Variants in RHBDD1 observed in about 807,000 individuals in gnomAD.
The protein encoded by RHBDD1 is rhomboid domain containing 1, also known as rhomboid-related protein 4.
In RHBDD1, 38 loss-of-function variants were observed where a neutral mutation model predicts 36.3. That is an observed-to-expected ratio of 1.05 (90% CI 0.81 to 1.37). The LOEUF (loss-of-function observed/expected upper bound fraction) is 1.37, where lower values mean the gene tolerates loss of function less well. RHBDD1 is among the 40% of genes most tolerant of loss of function. The probability of loss-of-function intolerance (pLI) is 0.00; values close to 1 mark genes in which losing one functional copy is unlikely to be tolerated. For missense variants in RHBDD1, 393 were observed against 377.6 expected (o/e 1.04, Z -0.34); for synonymous variants, 151 against 136.5 (o/e 1.11, Z -0.74).
At chr2:226,950,732 T>C (rs1951359349) in intron 8 of RHBDD1, among the ~76,000 whole-genome samples, 1 of 152,192 alleles carries the variant, frequency 6.6e-6, no homozygotes, top group African/African-American at 2.4e-5. Context: ...TTCCCTGATA[T>C]TTAGTGAGCA....
At chr2:226,875,312 G>T (rs1406508296) in intron 5 of RHBDD1, among the ~76,000 whole-genome samples, 3 of 152,168 alleles carry the variant, frequency 2.0e-5, no homozygotes. Context: ...TCTTTCCATT[G>T]TAAGGTGGAC....
chr2:226,976,198 G>A (rs944499380), intron 8 of RHBDD1, among the ~76,000 whole-genome samples: 1 of 149,920 alleles, frequency 6.7e-6, no homozygotes, highest in Non-Finnish European at 1.5e-5. Flanking sequence ...GGGCTTCTGG[G>A]GCAGTCCAGG....
upstream of RHBDD1, among the ~76,000 whole-genome samples, chr2:226,834,445 A>G (rs16822726): frequency 0.24 from 37,104 of 152,182 alleles, 8,542 homozygotes; most frequent in African/African-American, 0.61. Context: ...TCTAGGAAAG[A>G]GGTAACTTAT....
At chr2:226,907,589 C>T (rs1948161699) in intron 6 of RHBDD1, among the ~76,000 whole-genome samples, 2 of 149,362 alleles carry the variant, frequency 1.3e-5, no homozygotes, top group Non-Finnish European at 3.0e-5. Flanking sequence ...TCTTCTGAGA[C>T]TATTTTACCT....
At chr2:226,987,080 G>C (rs1233639270) in intron 8 of RHBDD1, among the ~76,000 whole-genome samples, 1 of 152,178 alleles carries the variant, frequency 6.6e-6, no homozygotes, top group Non-Finnish European at 1.5e-5. Context: ...CACAGGAACA[G>C]AAAACCAAAC....
intron 3 of RHBDD1, among the ~76,000 whole-genome samples, chr2:226,848,257 A>G (rs1942429692): frequency 6.6e-6 from 1 of 152,204 alleles, no homozygotes; most frequent in African/African-American, 2.4e-5. Context: ...AACAGTTACA[A>G]TTGATGTAGA....
At chr2:226,891,634 A>G (rs1946695513) in intron 5 of RHBDD1, among the ~76,000 whole-genome samples, 1 of 152,138 alleles carries the variant, frequency 6.6e-6, no homozygotes, top group Non-Finnish European at 1.5e-5. Flanking sequence ...CTACATCCTA[A>G]TGCTAGCAAT....
At chr2:226,851,736 C>T (rs2125086445) in intron 3 of RHBDD1, among the ~76,000 whole-genome samples, 1 of 152,302 alleles carries the variant, frequency 6.6e-6, no homozygotes, top group Non-Finnish European at 1.5e-5. Flanking sequence ...TAAACTGACA[C>T]ATGAGCCTTT....
chr2:226,898,763 TTTA>T (rs1298420819), intron 5 of RHBDD1, among the ~76,000 whole-genome samples: 8 of 152,262 alleles, frequency 5.3e-5, no homozygotes, highest in African/African-American at 1.9e-4. Flanking sequence ...TCTGGGACCA[TTTA>T]TTAAGATCCC....
Position 226,898,442 on chromosome 2 carries a change from T to C in RHBDD1, c.567-8351T>C, listed in dbSNP as rs1039562661. Among the ~76,000 whole-genome samples the C allele has an allele frequency of 6.6e-5, 10 of 152,312 alleles. No homozygotes were observed. The East Asian group carries it at 1.4e-3, about 21-fold the overall frequency. ...TGTCTGCAGTTGGTGCCATGTTTAA[T>C]AAATCATCATGGATTGTAGAGGGTG... is the stretch of plus-strand genomic sequence containing the variant. On this transcript the variant is annotated intron_variant, in intron 5 of 8. Transcript: ENST00000392062.
rs1401205383 is a variant in RHBDD1 at position 226,996,643 on chromosome 2, AT to A, written c.*1122del. On this transcript the variant is annotated 3_prime_UTR_variant, in exon 9 of 9. Coordinates refer to ENST00000392062, the MANE Select transcript of RHBDD1 (RefSeq NM_001167608.3). ...TTTTCTGATTATGCACATAATAGATATGCCTTCCAGATGCATAAGGCAAACA... is the reference window on the plus strand; with the variant it reads ...TTTTCTGATTATGCACATAATAGATAGCCTTCCAGATGCATAAGGCAAACA... 2.6e-5 allele frequency: 4 copies of A among 152,250 alleles called. No homozygotes were observed. In the East Asian group the frequency reaches 5.8e-4, roughly 22 times the overall value. 9.4% of individuals were successfully genotyped at this position (152,250 alleles called of 1,614,324 possible). A position where few individuals can be genotyped will look rare whatever the true frequency, so the allele number is the denominator to read the frequency against.
chr2:226,963,900 C>G (rs1343926691), intron 8 of RHBDD1, among the ~76,000 whole-genome samples: 1 of 152,174 alleles, frequency 6.6e-6, no homozygotes, highest in Non-Finnish European at 1.5e-5. Context: ...ACTCACCACC[C>G]CCTACTTAAC....
intron 8 of RHBDD1, among the ~76,000 whole-genome samples, chr2:226,919,231 T>G (rs1949134632): frequency 6.6e-6 from 1 of 152,132 alleles, no homozygotes; most frequent in South Asian, 2.1e-4. Flanking sequence ...TAGCCTCTTG[T>G]CAGATGGATA....
intron 4 of RHBDD1, among the ~76,000 whole-genome samples, chr2:226,866,936 G>T (rs1360794427): frequency 6.6e-6 from 1 of 152,100 alleles, no homozygotes; most frequent in African/African-American, 2.4e-5. Flanking sequence ...TATTCACATG[G>T]TAGGTATTAT....
chr2:226,858,561 G>A (rs1943544157), intron 3 of RHBDD1, among the ~76,000 whole-genome samples: 1 of 152,056 alleles, frequency 6.6e-6, no homozygotes, highest in Non-Finnish European at 1.5e-5. Flanking sequence ...TTTAAATCTG[G>A]AAATTGAGAT....
chr2:226,979,877 G>A (rs1464436851), intron 8 of RHBDD1, among the ~76,000 whole-genome samples: 1 of 152,202 alleles, frequency 6.6e-6, no homozygotes, highest in Non-Finnish European at 1.5e-5. Flanking sequence ...CATGATACAG[G>A]TGACTCAAAC....
chr2:226,970,207 CCTT>C (rs1470146565), intron 8 of RHBDD1, among the ~76,000 whole-genome samples: 1 of 151,810 alleles, frequency 6.6e-6, no homozygotes, highest in Non-Finnish European at 1.5e-5. Context: ...TGTATTTTCC[CCTT>C]TTACCTACTA....
At chr2:226,881,149 C>G (rs1362003198) in intron 5 of RHBDD1, among the ~76,000 whole-genome samples, 2 of 152,122 alleles carry the variant, frequency 1.3e-5, no homozygotes, top group Admixed American at 1.3e-4. Flanking sequence ...ACCACCAGAT[C>G]TCCTGAGAAC....
intron 5 of RHBDD1, among the ~76,000 whole-genome samples, chr2:226,897,780 G>C (rs1947234521): frequency 6.6e-6 from 1 of 152,126 alleles, no homozygotes; most frequent in Non-Finnish European, 1.5e-5. Context: ...AGACCAGCCT[G>C]ACCAACATGG....
Sources: gnomAD v4.1 joint callset for allele counts (sites outside exome capture counted in the v4.1 genomes callset) on GRCh38, gnomAD v4.1.1 for gene constraint, MANE v1.5 for transcripts, NCBI Gene and HGNC (gene_info 2026-07-23, HGNC 2026-07-21) for gene names.